MEI1: variants seen among roughly 807,000 people sequenced by gnomAD.
MEI1 encodes meiosis inhibitor protein 1.
In MEI1, 103 loss-of-function variants were observed where a neutral mutation model predicts 146.2. That is an observed-to-expected ratio of 0.70 (90% confidence interval 0.60 to 0.83). The LOEUF is 0.83. Ranked by LOEUF, MEI1 falls within the 40% of genes least tolerant of loss-of-function variation. MEI1 has a pLI of 0.00. For synonymous variants in MEI1, 652 were observed against 628.2 expected, an observed-to-expected ratio of 1.04 and a Z score of -0.57; for missense variants, 1,529 against 1,533.0, an observed-to-expected ratio of 1.00 and a Z score of 0.04.
chr22:41,754,362 A>C (rs1023657365), intron 17 of MEI1, among the ~76,000 whole-genome samples: 3 of 152,120 alleles, frequency 2.0e-5, no homozygotes, highest in African/African-American at 7.2e-5. Context: ...TCCAGTGTTC[A>C]CTATAGCATT....
At position 41,723,235 on chromosome 22, in the gene MEI1, T is replaced by TG. The variant is rs2071025492; in HGVS notation, c.734-706dup. On this transcript the variant is annotated intron_variant, in intron 6 of 30. Coordinates refer to ENST00000401548, the MANE Select transcript of MEI1 (RefSeq NM_152513.4). ...CTGACTTGGTTTTTTTTTTTTGAGA[T>TG]GGAGTTTCACTCTGTCACCCAGGGT... Among the ~76,000 whole-genome samples, 3 of 151,670 alleles carry TG rather than the reference T, an allele frequency of 2.0e-5. No homozygotes were observed. In the South Asian group the frequency reaches 6.2e-4, roughly 32 times the overall value.
rs1189791173 is a variant in MEI1 at position 41,716,053 on chromosome 22, C to G, written c.436C>G (p.Pro146Ala). The stretch of plus-strand genomic sequence containing the variant: ...TCACTTTCTGTAGCTGTGTAACATG[C>G]CCTCCATGCGAGGCAGCCTGGCCAC... ...DECHKELCNMPSMRGSLATLT... is the reference protein window; with the variant it reads ...DECHKELCNMASMRGSLATLT... Residue 146 changes from proline (P) to alanine (A), a missense_variant, in exon 5 of 31, where the codon CCC becomes GCC. By Grantham distance (27) the Pro-to-Ala change is conservative. Coordinates refer to ENST00000401548, the MANE Select transcript of MEI1 (RefSeq NM_152513.4). 6.2e-7 allele frequency: 1 copy of G among 1,608,750 alleles called. No individual in the cohort carries two copies. The highest frequency in any genetic ancestry group is 8.5e-7 in the Non-Finnish European group (1 of 1,177,446).
intron 13 of MEI1, among the ~76,000 whole-genome samples, chr22:41,745,634 T>G (rs1382556854): frequency 1.3e-5 from 2 of 152,022 alleles, no homozygotes; most frequent in Non-Finnish European, 2.9e-5. Flanking sequence ...CATGGCATAT[T>G]CGGGGAAATA....
chr22:41,722,882 TTA>T (rs1175300227), intron 6 of MEI1, among the ~76,000 whole-genome samples: 2 of 152,244 alleles, frequency 1.3e-5, no homozygotes, highest in South Asian at 2.1e-4. Flanking sequence ...CTTTGGTGAC[TTA>T]CCATGAATCC....
At chr22:41,756,380 A>G (rs1252538624) in intron 17 of MEI1, among the ~76,000 whole-genome samples, 1 of 151,934 alleles carries the variant, frequency 6.6e-6, no homozygotes, top group African/African-American at 2.4e-5. Context: ...CAAACAATCT[A>G]CCTGCCTTGG....
chr22:41,721,214 A>G (rs1307817152), intron 6 of MEI1, among the ~76,000 whole-genome samples: 2 of 143,650 alleles, frequency 1.4e-5, no homozygotes, highest in Admixed American at 1.4e-4. Context: ...CTGGGATTAC[A>G]GGTGTTAGCC....
intron 17 of MEI1, among the ~76,000 whole-genome samples, chr22:41,757,854 T>C (rs2074198788): frequency 6.6e-6 from 1 of 152,068 alleles, no homozygotes; most frequent in Non-Finnish European, 1.5e-5. Flanking sequence ...AATGAAAGAA[T>C]GAATGTTTTT....
intron 12 of MEI1, among the ~76,000 whole-genome samples, chr22:41,743,969 C>T (rs557321316): frequency 6.6e-6 from 1 of 151,856 alleles, no homozygotes; most frequent in East Asian, 1.9e-4. Flanking sequence ...CTCCGCCTCC[C>T]GGGTTCCAGT....
intron 7 of MEI1, 148 bp from the exon 8 acceptor site, chr22:41,729,517 C>G (rs1184242424): frequency 1.5e-6 from 1 of 658,098 alleles, no homozygotes; most frequent in African/African-American, 1.8e-5. Flanking sequence ...TCCATAACTG[C>G]TCTCCTGACC....
At chr22:41,765,681 A>G (rs971472633) in intron 19 of MEI1, among the ~76,000 whole-genome samples, 2 of 151,724 alleles carry the variant, frequency 1.3e-5, no homozygotes, top group Non-Finnish European at 2.9e-5. Flanking sequence ...CCACCCCCTT[A>G]TTCTTTTTTT....
chr22:41,753,104 C>T (rs1026923266), intron 16 of MEI1, among the ~76,000 whole-genome samples: 2 of 151,962 alleles, frequency 1.3e-5, no homozygotes, highest in African/African-American at 2.4e-5. Flanking sequence ...CTGCAACAAC[C>T]GCCTCCTGGG....
chr22:41,735,236 T>G (rs1200501920), intron 11 of MEI1, among the ~76,000 whole-genome samples: 30 of 148,410 alleles, frequency 2.0e-4, no homozygotes, highest in Non-Finnish European at 3.0e-4. Flanking sequence ...TGTTTTTTTT[T>G]TTTTTTTTTT....
rs1384869515 is a variant in MEI1 at position 41,789,573 on chromosome 22, C to T, written c.3346-4256C>T. Among the ~76,000 whole-genome samples, 5 of 152,084 alleles carry T rather than the reference C, an allele frequency of 3.3e-5. No homozygotes were observed. The South Asian group carries it at 1.0e-3, about 31-fold the overall frequency. ...ATTCACATTGTTGTGCAACTTTCAC[C>T]ATCATCCATCTCTAGATCTTTTCAT... On this transcript the variant is annotated intron_variant, in intron 26 of 30. Transcript: ENST00000401548.
intron 1 of MEI1, 62 bp from the exon 2 acceptor site, chr22:41,703,266 GGTT>G: frequency 6.5e-7 from 1 of 1,548,856 alleles, no homozygotes; most frequent in Non-Finnish European, 8.8e-7. Flanking sequence ...TGGAAATTAC[GGTT>G]GTTGGATTCA....
chr22:41,781,214 C>T (rs771521360), intron 22 of MEI1, 70 bp from the exon 23 acceptor site: 54 of 1,096,652 alleles, frequency 4.9e-5, no homozygotes, highest in Non-Finnish European at 6.6e-5. Flanking sequence ...AATAGCCAGT[C>T]GCAGGCTACC....
intron 19 of MEI1, among the ~76,000 whole-genome samples, chr22:41,763,793 CTT>C (rs1297738271): frequency 6.6e-6 from 1 of 152,000 alleles, no homozygotes; most frequent in Non-Finnish European, 1.5e-5. Context: ...AACAACAACT[CTT>C]TGGTCACCTT....
In MEI1 at chr22:41,732,550, CCCTGTGCTGG is replaced by C; in HGVS notation, c.1279_1288del (p.Pro427ArgfsTer7). On this transcript the variant is annotated frameshift_variant, in exon 11 of 31. Transcript: ENST00000401548. LOFTEE classifies it high-confidence loss of function. ...GTGCCCTCCAAGAAGCAGTTAGCAG[CCCTGTGCTGG>C]AGGTGGCTGCTGAGGCCTTGAAGGC... 6.2e-7 allele frequency: 1 copy of C among 1,613,838 alleles called. No homozygotes were observed. The highest frequency in any genetic ancestry group is 8.5e-7 in the Non-Finnish European group (1 of 1,179,870).
intron 21 of MEI1, 73 bp from the exon 22 acceptor site, chr22:41,778,633 AAG>A: frequency 3.4e-6 from 4 of 1,163,250 alleles, no homozygotes; most frequent in Non-Finnish European, 5.0e-6. Flanking sequence ...AGGGCCATTG[AAG>A]CAGGGCAGGG....
intron 21 of MEI1, among the ~76,000 whole-genome samples, chr22:41,778,278 G>C (rs189999774): frequency 1.3e-5 from 2 of 148,154 alleles, no homozygotes; most frequent in African/African-American, 4.9e-5. Context: ...TCTACCAAAG[G>C]CCTCACTTCC....
Sources: allele counts gnomAD v4.1 joint callset (sites outside exome capture counted in the v4.1 genomes callset), GRCh38; gene constraint gnomAD v4.1.1; transcripts MANE v1.5; gene names NCBI Gene and HGNC (gene_info 2026-07-23, HGNC 2026-07-21).